HDAC8: variants seen among roughly 807,000 people sequenced by gnomAD.
HDAC8 encodes the protein histone deacetylase-like 1.
Under a neutral mutation model 32.2 loss-of-function variants are expected in HDAC8, and 1 was observed. The observed-to-expected ratio is 0.03, with a 90% CI of 0.01 to 0.15. The LOEUF is 0.15. HDAC8 is among the 10% of genes least tolerant of loss of function. The probability of loss-of-function intolerance (pLI) is 1.00; values close to 1 mark genes in which losing one functional copy is unlikely to be tolerated. For missense variants in HDAC8, 117 were observed against 300.0 expected, an observed-to-expected ratio of 0.39 and a Z score of 4.51; for synonymous variants, 108 against 113.9, an observed-to-expected ratio of 0.95 and a Z score of 0.33.
At chrX:72,386,152 A>C (rs1266887006) in intron 9 of HDAC8, among the ~76,000 whole-genome samples, 4 of 112,443 alleles carry the variant, frequency 3.6e-5, no homozygotes, top group Non-Finnish European at 7.5e-5. Flanking sequence ...CCTGAAATGG[A>C]TGTATGTGGG....
At chrX:72,353,295 C>T (rs1280009043) in intron 9 of HDAC8, among the ~76,000 whole-genome samples, 2 of 112,032 alleles carry the variant, frequency 1.8e-5, no homozygotes, top group Admixed American at 9.4e-5. Context: ...AAACTCTACA[C>T]ATTTAATTAA....
intron 7 of HDAC8, among the ~76,000 whole-genome samples, chrX:72,468,805 C>A (rs1174269592): frequency 8.9e-6 from 1 of 112,232 alleles, no homozygotes; most frequent in Non-Finnish European, 1.9e-5. Flanking sequence ...TTCATTCATT[C>A]ATTTCATTCA....
chrX:72,461,218 T>C (rs903714590), intron 9 of HDAC8, among the ~76,000 whole-genome samples: 2 of 111,809 alleles, frequency 1.8e-5, no homozygotes, highest in African/African-American at 3.2e-5. Context: ...TTTTAAGTCA[T>C]CTAGTCTAAG....
At chrX:72,409,468 C>T (rs2046135124) in intron 9 of HDAC8, among the ~76,000 whole-genome samples, 1 of 112,241 alleles carries the variant, frequency 8.9e-6, no homozygotes, top group African/African-American at 3.2e-5. Context: ...CCTCCAGCCT[C>T]GTTTTTCTAA....
At position 72,495,184 on chromosome X, in the gene HDAC8, G is replaced by A. The variant is rs146015223; in HGVS notation, c.522C>T (p.Tyr174=). The A allele has an allele frequency of 2.9e-5, 35 of 1,205,151 alleles. No individual in the cohort carries two copies. The highest frequency in any genetic ancestry group is 7.0e-5 in the African/African-American group (4 of 56,996). The change falls in exon 5 of 11, where the codon TAC becomes TAT. Residue 174 remains tyrosine (Y), a synonymous_variant. Transcript: ENST00000373573. ...CTCCATGGTGCAGATCCAAATCCACGTAGAGAATACGCTCAAATTTCCGTC... is the reference window on the plus strand; with the variant it reads ...CTCCATGGTGCAGATCCAAATCCACATAGAGAATACGCTCAAATTTCCGTC... ...RLRRKFERIL[Y]VDLDLHHGDG...
intron 9 of HDAC8, among the ~76,000 whole-genome samples, chrX:72,458,330 T>C (rs2047776862): frequency 8.9e-6 from 1 of 112,839 alleles, no homozygotes; most frequent in African/African-American, 3.2e-5. Flanking sequence ...ACTGGCTTTA[T>C]GGTATCACCG....
chrX:72,397,032 C>T (rs1437487764), intron 9 of HDAC8, among the ~76,000 whole-genome samples: 1 of 111,054 alleles, frequency 9.0e-6, no homozygotes, highest in African/African-American at 3.3e-5. Flanking sequence ...AGGAAGCTTA[C>T]AATCATGGCA....
intron 9 of HDAC8, among the ~76,000 whole-genome samples, chrX:72,416,119 A>G (rs2046326163): frequency 9.0e-6 from 1 of 110,938 alleles, no homozygotes; most frequent in Admixed American, 9.7e-5. Flanking sequence ...ATTTTTCTTT[A>G]AATGTTTGGT....
intron 4 of HDAC8, among the ~76,000 whole-genome samples, chrX:72,549,488 G>A (rs1283616246): frequency 2.7e-5 from 3 of 111,622 alleles, no homozygotes; most frequent in African/African-American, 9.8e-5. Context: ...TTACCTGGGA[G>A]CTTGTTAGAA....
At chrX:72,360,972 G>A (rs782266983) in intron 9 of HDAC8, among the ~76,000 whole-genome samples, 1 of 111,999 alleles carries the variant, frequency 8.9e-6, no homozygotes, top group Non-Finnish European at 1.9e-5. Context: ...AAGCGCTTGT[G>A]AGCAGGCAGG....
At chrX:72,541,255 G>C (rs781915266) in intron 4 of HDAC8, among the ~76,000 whole-genome samples, 11 of 110,332 alleles carry the variant, frequency 1.0e-4, no homozygotes, top group Non-Finnish European at 1.5e-4. Context: ...GAAGTGAAGG[G>C]ACATCCTTGG....
chrX:72,430,345 G>A (rs1435892640), intron 9 of HDAC8, among the ~76,000 whole-genome samples: 1 of 112,063 alleles, frequency 8.9e-6, no homozygotes, highest in African/African-American at 3.2e-5. Context: ...ACCATCACAA[G>A]TCATTTTCCT....
At chrX:72,514,886 T>G (rs981188011) in intron 4 of HDAC8, among the ~76,000 whole-genome samples, 17 of 111,695 alleles carry the variant, frequency 1.5e-4, no homozygotes, top group African/African-American at 5.5e-4. Flanking sequence ...CTTGAGGGCT[T>G]GAGAAATAAT....
At chrX:72,495,589 T>A (rs1227810411) in intron 4 of HDAC8, among the ~76,000 whole-genome samples, 1 of 111,631 alleles carries the variant, frequency 9.0e-6, no homozygotes, top group Non-Finnish European at 1.9e-5. Flanking sequence ...AAAAAATTTG[T>A]ATACCCTGGG....
intron 10 of HDAC8, among the ~76,000 whole-genome samples, chrX:72,343,065 TTTC>T (rs1192614802): frequency 8.9e-6 from 1 of 111,811 alleles, no homozygotes; most frequent in Non-Finnish European, 1.9e-5. Flanking sequence ...GATAATTATA[TTTC>T]TTTTTAATAC....
At position 72,351,797 on chromosome X, in the gene HDAC8, C is replaced by G; in HGVS notation, c.1047G>C (p.Thr349=). 1 of 1,210,472 alleles carries G rather than the reference C, an allele frequency of 8.3e-7. No homozygotes were observed. Among genetic ancestry groups the G allele is most frequent in the Middle Eastern group, 2.3e-4 (1 of 4,353 alleles). The change falls in exon 10 of 11, where the codon ACG becomes ACC. Residue 349 remains threonine, a synonymous_variant. Coordinates refer to ENST00000373573, the MANE Select transcript of HDAC8 (RefSeq NM_018486.3). ...AYGPDYVLEI[T]PSCRPDRNEP... is the part of the protein sequence containing the mutation. ...CATTGCGGTCTGGCCGGCAGCTTGG[C>G]GTGATTTCCAGCACATAATCAGGAC...
At chrX:72,477,785 G>A (rs989847329) in intron 7 of HDAC8, among the ~76,000 whole-genome samples, 1 of 112,542 alleles carries the variant, frequency 8.9e-6, no homozygotes, top group African/African-American at 3.2e-5. Context: ...TTCTAGGGCA[G>A]GATGTATGTT....
chrX:72,422,468 G>C (rs1198976183), intron 9 of HDAC8, among the ~76,000 whole-genome samples: 1 of 110,179 alleles, frequency 9.1e-6, no homozygotes, highest in Non-Finnish European at 1.9e-5. Flanking sequence ...ATCCTTGAAT[G>C]CCAGGAGCTA....
intron 4 of HDAC8, among the ~76,000 whole-genome samples, chrX:72,525,813 C>CA (rs57801277): frequency 0.54 from 11,526 of 21,478 alleles, 4,526 homozygotes; most frequent in Non-Finnish European, 0.7. Context: ...GACTCTGTCT[C>CA]AAAAAAAAAA....
Sources: allele counts gnomAD v4.1 joint callset (sites outside exome capture counted in the v4.1 genomes callset), GRCh38; gene constraint gnomAD v4.1.1; transcripts MANE v1.5; gene names NCBI Gene and HGNC (gene_info 2026-07-23, HGNC 2026-07-21).